The following TENM4 variants were observed in gnomAD, a reference collection of about 807,000 sequenced individuals.
TENM4 encodes teneurin transmembrane protein 4, also known as teneurin-4.
A neutral mutation model predicts 243.3 loss-of-function variants in TENM4; 82 were observed. That is an observed-to-expected ratio of 0.34 (90% CI 0.28 to 0.40). The LOEUF is 0.40. Among genes scored for constraint, TENM4 ranks in the 10% least tolerant of loss-of-function variants. The probability of loss-of-function intolerance (pLI) is 1.00; values close to 1 mark genes in which losing one functional copy is unlikely to be tolerated. For missense variants in TENM4, 3,138 were observed against 3,673.3 expected (o/e 0.85, Z 3.77); for synonymous variants, 1,412 against 1,456.3 (o/e 0.97, Z 0.69).
At chr11:79,027,502 G>A (rs949154744) in intron 6 of TENM4, among the ~76,000 whole-genome samples, 1 of 152,228 alleles carries the variant, frequency 6.6e-6, no homozygotes, top group Non-Finnish European at 1.5e-5. Context: ...GACCCTAGCA[G>A]ACCATCCTTT....
chr11:79,187,807 G>A (rs1863405929), intron 3 of TENM4, among the ~76,000 whole-genome samples: 1 of 152,194 alleles, frequency 6.6e-6, no homozygotes, highest in Non-Finnish European at 1.5e-5. Flanking sequence ...GTGAGGACAT[G>A]GTGGGAAGAC....
Position 78,739,042 on chromosome 11 carries a change from T to C in TENM4, c.2757-472A>G, listed in dbSNP as rs547767111. ...CACAAATGACAATGGCTATTACTGT[T>C]ATTAACAGTCTCATTGGAAGTGAAC... On this transcript the variant is annotated intron_variant, in intron 19 of 33. Transcript: ENST00000278550. Among the ~76,000 whole-genome samples, 301 of 152,206 alleles carry C rather than the reference T, an allele frequency of 2.0e-3. 1 individual carries two copies. The highest frequency in any genetic ancestry group is 7.0e-3 in the African/African-American group (289 of 41,520).
intron 18 of TENM4, among the ~76,000 whole-genome samples, chr11:78,761,394 C>T (rs1297658476): frequency 6.6e-6 from 1 of 152,258 alleles, no homozygotes; most frequent in African/African-American, 2.4e-5. Context: ...CACCTGCCAC[C>T]ACACCCAGCT....
chr11:79,204,887 C>T (rs536708685), intron 3 of TENM4, among the ~76,000 whole-genome samples: 19 of 152,220 alleles, frequency 1.2e-4, no homozygotes, highest in South Asian at 1.2e-3. Flanking sequence ...AGTCACACAA[C>T]GGGTTATACA....
At chr11:79,422,957 T>C (rs537163856) in intron 1 of TENM4, among the ~76,000 whole-genome samples, 1 of 152,280 alleles carries the variant, frequency 6.6e-6, no homozygotes, top group African/African-American at 2.4e-5. Flanking sequence ...GCTGGGCCAT[T>C]TGAATCAGAG....
chr11:79,270,820 T>C (rs1384731989), intron 2 of TENM4, among the ~76,000 whole-genome samples: 1 of 152,188 alleles, frequency 6.6e-6, no homozygotes, highest in African/African-American at 2.4e-5. Flanking sequence ...GTTACTCAAC[T>C]ATACGGCCCC....
intron 2 of TENM4, among the ~76,000 whole-genome samples, chr11:79,254,110 G>T (rs1037892285): frequency 2.0e-5 from 3 of 152,128 alleles, no homozygotes. Context: ...TATTTTGTAG[G>T]TCAATTTGGC....
At chr11:79,079,362 T>C (rs1421656932) in intron 4 of TENM4, among the ~76,000 whole-genome samples, 1 of 152,200 alleles carries the variant, frequency 6.6e-6, no homozygotes, top group Non-Finnish European at 1.5e-5. Context: ...CAGAGCTGCC[T>C]GACCCCCTAG....
chr11:79,224,513 T>A (rs1249969781), intron 2 of TENM4, among the ~76,000 whole-genome samples: 1 of 152,068 alleles, frequency 6.6e-6, no homozygotes, highest in Non-Finnish European at 1.5e-5. Flanking sequence ...AATTGTATCC[T>A]CAAAAAAGAA....
At chr11:78,864,417 G>A (rs1387792685) in intron 9 of TENM4, among the ~76,000 whole-genome samples, 1 of 103,176 alleles carries the variant, frequency 9.7e-6, no homozygotes, top group Non-Finnish European at 1.7e-5. Flanking sequence ...CTGGGCGACA[G>A]AGCGAGACTC....
Position 78,654,131 on chromosome 11 carries a change from C to A in TENM4, c.*3927G>T, listed in dbSNP as rs937423171. 6.6e-6 allele frequency: 1 copy of A among 152,140 alleles called. No individual in the cohort carries two copies. 9.4% of individuals were successfully genotyped at this position (152,140 alleles called of 1,614,324 possible). On this transcript the variant is annotated 3_prime_UTR_variant, in exon 34 of 34. Coordinates refer to ENST00000278550, the MANE Select transcript of TENM4 (RefSeq NM_001098816.3). ...AGAGAGGTTTTCATTCTAACAAGGA[C>A]CCCAAGGGAAAGGAAAGACTGGGTT...
At chr11:79,186,491 A>C (rs896002849) in intron 3 of TENM4, among the ~76,000 whole-genome samples, 7 of 152,240 alleles carry the variant, frequency 4.6e-5, no homozygotes, top group Non-Finnish European at 1.0e-4. Context: ...TGAGGCTGAG[A>C]AAGGTAAATG....
intron 6 of TENM4, among the ~76,000 whole-genome samples, chr11:79,015,198 G>A (rs956725028): frequency 2.0e-5 from 3 of 152,206 alleles, no homozygotes; most frequent in African/African-American, 7.2e-5. Context: ...AACCATAGAA[G>A]GTGGGCATTG....
At chr11:79,194,165 CT>C (rs1863574592) in intron 3 of TENM4, among the ~76,000 whole-genome samples, 1 of 151,896 alleles carries the variant, frequency 6.6e-6, no homozygotes, top group East Asian at 1.9e-4. Context: ...TTAGAAGCGC[CT>C]TTTGCCTCCC....
At chr11:79,062,417 A>G (rs11237705) in intron 6 of TENM4, among the ~76,000 whole-genome samples, 46,666 of 152,088 alleles carry the variant, frequency 0.31, 7,344 homozygotes, top group Non-Finnish European at 0.35. Context: ...TTATTAGAAT[A>G]CTGGTCCCAC....
chr11:78,758,010 A>G (rs1354876548), intron 18 of TENM4, among the ~76,000 whole-genome samples: 2 of 152,258 alleles, frequency 1.3e-5, no homozygotes, highest in East Asian at 3.8e-4. Context: ...CATTATATCA[A>G]AGTACTTTTA....
intron 6 of TENM4, among the ~76,000 whole-genome samples, chr11:79,030,517 A>C (rs1261248287): frequency 5.9e-5 from 9 of 152,200 alleles, no homozygotes; most frequent in Non-Finnish European, 4.4e-5. Flanking sequence ...ACTCGGCAGC[A>C]GGCAGGGAGG....
At chr11:78,713,459 G>A (rs75505472) in intron 25 of TENM4, among the ~76,000 whole-genome samples, 2,951 of 152,348 alleles carry the variant, frequency 0.019, 107 homozygotes, top group African/African-American at 0.068. Context: ...AAGCTTGACT[G>A]CAGAGATGCC....
chr11:78,954,651 T>C (rs1160805052), intron 6 of TENM4, among the ~76,000 whole-genome samples: 1 of 152,240 alleles, frequency 6.6e-6, no homozygotes, highest in African/African-American at 2.4e-5. Flanking sequence ...AGTTACCTTC[T>C]ATTTATGGCA....
Sources: allele counts gnomAD v4.1 joint callset (sites outside exome capture counted in the v4.1 genomes callset), GRCh38; gene constraint gnomAD v4.1.1; transcripts MANE v1.5; gene names NCBI Gene and HGNC (gene_info 2026-07-23, HGNC 2026-07-21).